The following RASAL2 variants were observed in gnomAD, a reference collection of about 807,000 sequenced individuals.
RASAL2 encodes RAS protein activator like 2.
In RASAL2, 58 loss-of-function variants were observed where a neutral mutation model predicts 128.9. The observed-to-expected ratio is 0.45, with a 90% CI of 0.36 to 0.56. The LOEUF (loss-of-function observed/expected upper bound fraction) is 0.56, where lower values mean the gene tolerates loss of function less well. Among genes scored for constraint, RASAL2 ranks in the 20% least tolerant of loss-of-function variants. The pLI is 0.00. For missense variants in RASAL2, 1,360 were observed against 1,601.6 expected, an observed-to-expected ratio of 0.85 and a Z score of 2.57; for synonymous variants, 561 against 580.8, an observed-to-expected ratio of 0.97 and a Z score of 0.49.
intron 1 of RASAL2, among the ~76,000 whole-genome samples, chr1:178,197,499 C>T (rs979180004): frequency 1.3e-5 from 2 of 151,260 alleles, no homozygotes; most frequent in African/African-American, 4.9e-5. Flanking sequence ...GCCCCAGCTA[C>T]TCGGGAGGCT....
chr1:178,354,934 G>A (rs549142310), intron 3 of RASAL2, among the ~76,000 whole-genome samples: 13 of 152,292 alleles, frequency 8.5e-5, no homozygotes, highest in Admixed American at 3.3e-4. Context: ...TGTGAAGCCT[G>A]GGCAACATGA....
chr1:178,257,923 A>G (rs1308728503), intron 1 of RASAL2, among the ~76,000 whole-genome samples: 3 of 152,094 alleles, frequency 2.0e-5, no homozygotes, highest in Non-Finnish European at 4.4e-5. Context: ...TAGAAGTGAC[A>G]TCAAAAGCAT....
At chr1:178,306,985 G>A (rs1276098144) in intron 3 of RASAL2, among the ~76,000 whole-genome samples, 5 of 150,064 alleles carry the variant, frequency 3.3e-5, no homozygotes, top group African/African-American at 1.2e-4. Flanking sequence ...TGCACAATGT[G>A]CACATGTACC....
At position 178,094,567 on chromosome 1, in the gene RASAL2, C is replaced by T. The variant is rs777842018; in HGVS notation, c.75C>T (p.Ser25=). The T allele has an allele frequency of 1.0e-5, 16 of 1,599,594 alleles. No individual in the cohort carries two copies. In the South Asian group the frequency reaches 1.8e-4, roughly 18 times the overall value. The change falls in exon 1 of 18, where the codon TCC becomes TCT. Residue 25 remains serine (S), a synonymous_variant. Coordinates refer to ENST00000367649, the MANE Select transcript of RASAL2 (RefSeq NM_170692.4). ...SWPEMFPALE[S]DSPLPPEDLD... ...CGGAGATGTTCCCGGCGCTGGAGTCCGACTCGCCGCTGCCCCCGGAGGACC... is the reference window on the plus strand; with the variant it reads ...CGGAGATGTTCCCGGCGCTGGAGTCTGACTCGCCGCTGCCCCCGGAGGACC...
chr1:178,413,815 A>G (rs965150289), intron 4 of RASAL2, among the ~76,000 whole-genome samples: 2 of 152,230 alleles, frequency 1.3e-5, no homozygotes, highest in African/African-American at 2.4e-5. Flanking sequence ...GATAGAAATT[A>G]TAAAAAAGAA....
intron 17 of RASAL2, among the ~76,000 whole-genome samples, chr1:178,471,387 G>A (rs563306126): frequency 1.1e-3 from 170 of 152,006 alleles, no homozygotes; most frequent in Non-Finnish European, 2.1e-3. Flanking sequence ...AAACTTCATT[G>A]GTTAAAATTT....
chr1:178,307,126 T>TA (rs1179460973), intron 3 of RASAL2, among the ~76,000 whole-genome samples: 1 of 151,978 alleles, frequency 6.6e-6, no homozygotes, highest in East Asian at 1.9e-4. Flanking sequence ...TAAAAAAAGG[T>TA]ACAGTATGCA....
chr1:178,132,916 G>A (rs539747324), intron 1 of RASAL2, among the ~76,000 whole-genome samples: 2 of 152,024 alleles, frequency 1.3e-5, no homozygotes, highest in East Asian at 1.9e-4. Context: ...CCGCAGGTAT[G>A]TGCCACCATA....
Position 178,370,072 on chromosome 1 carries a change from G to T in RASAL2, c.458-20028G>T, listed in dbSNP as rs142108941. On this transcript the variant is annotated intron_variant, in intron 3 of 17. Transcript: ENST00000367649. ...ACACAAGAGGTACCAAAGTCATTCGGCAAAAATCTTTGAGCTTCTACTGTG... is the reference window on the plus strand; with the variant it reads ...ACACAAGAGGTACCAAAGTCATTCGTCAAAAATCTTTGAGCTTCTACTGTG... Among the ~76,000 whole-genome samples, 527 of 152,268 alleles carry T rather than the reference G, an allele frequency of 3.5e-3. 1 individual carries two copies. The highest frequency in any genetic ancestry group is 0.012 in the African/African-American group (491 of 41,558).
At chr1:178,146,821 A>G (rs1159811339) in intron 1 of RASAL2, among the ~76,000 whole-genome samples, 1 of 152,234 alleles carries the variant, frequency 6.6e-6, no homozygotes. Context: ...ATTAAAAGCT[A>G]TTAATTTTCA....
At chr1:178,133,009 C>T (rs555122437) in intron 1 of RASAL2, among the ~76,000 whole-genome samples, 172 of 152,308 alleles carry the variant, frequency 1.1e-3, no homozygotes, top group African/African-American at 3.4e-3. Context: ...AGGTGATCCA[C>T]CCGCCTCGGC....
At chr1:178,167,156 G>A (rs908750853) in intron 1 of RASAL2, among the ~76,000 whole-genome samples, 5 of 152,064 alleles carry the variant, frequency 3.3e-5, no homozygotes, top group Non-Finnish European at 5.9e-5. Context: ...TTAATAATAT[G>A]TACAGTAAGA....
At chr1:178,144,563 G>T (rs1039890229) in intron 1 of RASAL2, among the ~76,000 whole-genome samples, 1 of 152,184 alleles carries the variant, frequency 6.6e-6, no homozygotes, top group Non-Finnish European at 1.5e-5. Context: ...TTGAGAAGCA[G>T]TGAGTTAATT....
At chr1:178,187,950 C>G (rs551071948) in intron 1 of RASAL2, among the ~76,000 whole-genome samples, 1 of 151,518 alleles carries the variant, frequency 6.6e-6, no homozygotes, top group Non-Finnish European at 1.5e-5. Context: ...CTAATTTACT[C>G]TTACTATTAA....
At chr1:178,347,449 C>T (rs116406823) in intron 3 of RASAL2, among the ~76,000 whole-genome samples, 3,576 of 152,036 alleles carry the variant, frequency 0.024, 148 homozygotes, top group African/African-American at 0.082. Context: ...TAAATTTTAA[C>T]GTTTGATCAT....
chr1:178,129,934 A>T (rs893724244), intron 1 of RASAL2, among the ~76,000 whole-genome samples: 1 of 152,166 alleles, frequency 6.6e-6, no homozygotes, highest in Admixed American at 6.5e-5. Context: ...ACACTAGTAC[A>T]TTAAATTAGA....
chr1:178,242,132 A>G lies in RASAL2; in HGVS notation c.203-41432A>G, dbSNP rs150904616. 1.3e-3 allele frequency among the ~76,000 whole-genome samples: 192 copies of G among 152,274 alleles called. 2 individuals carry two copies. The highest frequency in any genetic ancestry group is 4.7e-4 in the Non-Finnish European group (32 of 68,026). On this transcript the variant is annotated intron_variant, in intron 1 of 17. Transcript: ENST00000367649. ...GACATCACAGTTTATTTTTATCAAC[A>G]TTTTACTACTCTGAGTAAATGTCAG...
At chr1:178,245,694 G>A (rs904792989) in intron 1 of RASAL2, among the ~76,000 whole-genome samples, 1 of 152,100 alleles carries the variant, frequency 6.6e-6, no homozygotes, top group African/African-American at 2.4e-5. Flanking sequence ...GGTTTTTACG[G>A]TTTTAGGTTT....
intron 1 of RASAL2, among the ~76,000 whole-genome samples, chr1:178,180,073 G>A (rs1571592206): frequency 6.6e-6 from 1 of 152,160 alleles, no homozygotes; most frequent in East Asian, 1.9e-4. Flanking sequence ...TATTAATCTG[G>A]ATTCTCTAAT....
Sources: allele counts gnomAD v4.1 joint callset (sites outside exome capture counted in the v4.1 genomes callset), GRCh38; gene constraint gnomAD v4.1.1; transcripts MANE v1.5; gene names NCBI Gene and HGNC (gene_info 2026-07-23, HGNC 2026-07-21).